Variants in FBXO11 observed in about 807,000 individuals in gnomAD.
The protein encoded by FBXO11 is F-box protein 11.
FBXO11 carries 13 observed loss-of-function variants against 117.0 expected under a neutral mutation model. That is an observed-to-expected ratio of 0.11 (90% CI 0.07 to 0.18). The LOEUF (loss-of-function observed/expected upper bound fraction) is 0.18. FBXO11 is among the 10% of genes least tolerant of loss of function. The probability of loss-of-function intolerance (pLI) is 1.00; values close to 1 mark genes in which losing one functional copy is unlikely to be tolerated. For synonymous variants in FBXO11, 490 were observed against 380.5 expected (o/e 1.29, Z -3.35); for missense variants, 767 against 1,164.4 (o/e 0.66, Z 4.97).
intron 11 of FBXO11, among the ~76,000 whole-genome samples, chr2:47,825,624 G>A (rs1671696154): frequency 6.9e-6 from 1 of 145,534 alleles, no homozygotes; most frequent in South Asian, 2.2e-4. Flanking sequence ...CTGTTGTCTG[G>A]GTTGGAGTGC....
intron 1 of FBXO11, among the ~76,000 whole-genome samples, chr2:47,895,836 G>GC (rs1201408214): frequency 6.6e-5 from 10 of 152,070 alleles, no homozygotes; most frequent in Non-Finnish European, 1.3e-4. Context: ...GGGATTACAG[G>GC]CATCTGCCAC....
At chr2:47,825,482 C>T (rs1428146618) in intron 11 of FBXO11, among the ~76,000 whole-genome samples, 1 of 151,676 alleles carries the variant, frequency 6.6e-6, no homozygotes, top group Non-Finnish European at 1.5e-5. Flanking sequence ...GATGTTTTCA[C>T]CCATGAGGAG....
intron 1 of FBXO11, among the ~76,000 whole-genome samples, chr2:47,881,575 G>T (rs1676435426): frequency 6.6e-6 from 1 of 151,942 alleles, no homozygotes; most frequent in African/African-American, 2.4e-5. Context: ...TTCTTTTAAA[G>T]TGCTGAATAT....
chr2:47,814,391 TTA>T, intron 16 of FBXO11: 1 of 151,470 alleles, frequency 6.6e-6, no homozygotes, highest in Admixed American at 6.5e-5. Flanking sequence ...TTTTTTTTTT[TTA>T]AAGACATGGG....
At chr2:47,870,705 G>A (rs910907315) in intron 1 of FBXO11, among the ~76,000 whole-genome samples, 1 of 152,164 alleles carries the variant, frequency 6.6e-6, no homozygotes, top group Non-Finnish European at 1.5e-5. Flanking sequence ...AATTTCTGTT[G>A]TTTCAAGCTC....
chr2:47,895,758 TCTGGGCTCA>T (rs1677612938), intron 1 of FBXO11, among the ~76,000 whole-genome samples: 1 of 152,180 alleles, frequency 6.6e-6, no homozygotes, highest in African/African-American at 2.4e-5. Flanking sequence ...AGTGGCATGA[TCTGGGCTCA>T]CTGCAACCTC....
In FBXO11 at chr2:47,880,337, T is replaced by C. The variant is rs568115952; in HGVS notation, c.232+25152A>G. Among the ~76,000 whole-genome samples, 9 of 152,344 alleles carry C rather than the reference T, an allele frequency of 5.9e-5. No homozygotes were observed. In the South Asian group the frequency reaches 1.9e-3, roughly 32 times the overall value. ...CTGGATTGAATCAGTATAAAAGGTC[T>C]TCCCCATACTAAAATTATAAGAAGA... On this transcript the variant is annotated intron_variant, in intron 1 of 22. Coordinates refer to ENST00000403359, the MANE Select transcript of FBXO11 (RefSeq NM_001190274.2).
intron 13 of FBXO11, 90 bp from the exon 14 acceptor site, chr2:47,820,546 C>G: frequency 1.1e-6 from 1 of 947,938 alleles, no homozygotes; most frequent in Non-Finnish European, 1.6e-6. Context: ...AAAATTCTTA[C>G]ACTAGAATTT....
At chr2:47,822,028 G>A (rs1344527557) in intron 13 of FBXO11, among the ~76,000 whole-genome samples, 190 bp downstream of exon 13, 2 of 152,164 alleles carry the variant, frequency 1.3e-5, no homozygotes, top group Admixed American at 1.3e-4. Context: ...TGAGGCTGCT[G>A]TGAGCCATGT....
At chr2:47,833,100 C>A (rs768535063) in intron 7 of FBXO11, 30 bp from the exon 8 acceptor site, 1 of 1,466,354 alleles carries the variant, frequency 6.8e-7, no homozygotes, top group Non-Finnish European at 9.5e-7. Context: ...AAGAATATTA[C>A]CTTTATTCGA....
At position 47,843,605 on chromosome 2, in the gene FBXO11, A is replaced by G. The variant is rs185956940; in HGVS notation, c.233-3836T>C. On this transcript the variant is annotated intron_variant, in intron 1 of 22. Transcript: ENST00000403359. Reference sequence around the variant, plus strand: ...GTAATGGCTTTCTTCATCACTAACAATGCTTTCTGCCTTACAAATCTATTT... The same window carrying G: ...GTAATGGCTTTCTTCATCACTAACAGTGCTTTCTGCCTTACAAATCTATTT... 5.4e-3 allele frequency among the ~76,000 whole-genome samples: 826 copies of G among 152,098 alleles called. 1 individual carries two copies. The highest frequency in any genetic ancestry group is 7.7e-3 in the Non-Finnish European group (524 of 67,988).
intron 1 of FBXO11, among the ~76,000 whole-genome samples, chr2:47,868,038 G>A (rs1158192637): frequency 6.6e-6 from 1 of 152,006 alleles, no homozygotes; most frequent in Non-Finnish European, 1.5e-5. Context: ...CATCAGAGGA[G>A]GCAGAGAACT....
chr2:47,837,871 C>G (rs192726222), intron 4 of FBXO11, among the ~76,000 whole-genome samples: 284 of 152,174 alleles, frequency 1.9e-3, no homozygotes, highest in African/African-American at 6.7e-3. Flanking sequence ...GCTGGGACCA[C>G]AGGCAGGAGC....
chr2:47,844,934 G>T (rs925432721), intron 1 of FBXO11, among the ~76,000 whole-genome samples: 3 of 152,170 alleles, frequency 2.0e-5, no homozygotes, highest in African/African-American at 7.2e-5. Flanking sequence ...ACTGTGCCCA[G>T]CCCTTATTAC....
At chr2:47,820,292 T>C (rs1324179074) in intron 14 of FBXO11, 70 bp downstream of exon 14, 1 of 1,221,194 alleles carries the variant, frequency 8.2e-7, no homozygotes, top group East Asian at 2.4e-5. Flanking sequence ...ACCTAAAAGC[T>C]TGAGGAGAAA....
chr2:47,836,111 T>C, intron 4 of FBXO11, 110 bp from the exon 5 acceptor site: 2 of 669,612 alleles, frequency 3.0e-6, no homozygotes, highest in Non-Finnish European at 4.7e-6. Context: ...AGTAAGAAAG[T>C]AAGAATAGAC....
At chr2:47,812,098 C>T (rs936237555) in intron 18 of FBXO11, among the ~76,000 whole-genome samples, 4 of 151,250 alleles carry the variant, frequency 2.6e-5, no homozygotes, top group African/African-American at 9.7e-5. Context: ...AAACTCCTTA[C>T]TGCATATGGA....
At position 47,890,901 on chromosome 2, in the gene FBXO11, T is replaced by G. The variant is rs184302488; in HGVS notation, c.232+14588A>C. On this transcript the variant is annotated intron_variant, in intron 1 of 22. Transcript: ENST00000403359. Reference sequence around the variant, plus strand: ...GGTGCAATCATAGCTCACCGCAGCCTTGACCTCTAGAGCTTAAGTGATCCT... The same window carrying G: ...GGTGCAATCATAGCTCACCGCAGCCGTGACCTCTAGAGCTTAAGTGATCCT... Among the ~76,000 whole-genome samples, 182 of 152,300 alleles carry G rather than the reference T, an allele frequency of 1.2e-3. 1 individual carries two copies. Among genetic ancestry groups the G allele is most frequent in the African/African-American group, 4.3e-3 (177 of 41,566 alleles).
intron 1 of FBXO11, among the ~76,000 whole-genome samples, chr2:47,893,953 G>T (rs1677456760): frequency 6.6e-6 from 1 of 152,182 alleles, no homozygotes; most frequent in Non-Finnish European, 1.5e-5. Context: ...GGATAAGAAA[G>T]ATCAACTGGT....
Sources: allele counts gnomAD v4.1 joint callset (sites outside exome capture counted in the v4.1 genomes callset), GRCh38; gene constraint gnomAD v4.1.1; transcripts MANE v1.5; gene names NCBI Gene and HGNC (gene_info 2026-07-23, HGNC 2026-07-21).